Variants in MLIP observed in about 807,000 individuals in gnomAD.
MLIP encodes the protein muscular LMNA interacting protein.
A neutral mutation model predicts 84.8 loss-of-function variants in MLIP; 79 were observed. The observed-to-expected ratio is 0.93, with a 90% CI of 0.78 to 1.12. The LOEUF (loss-of-function observed/expected upper bound fraction) is 1.12. Ranked by LOEUF, MLIP falls within the 50% of genes most tolerant of loss-of-function variation. MLIP has a pLI of 0.00. For synonymous variants in MLIP, 504 were observed against 463.0 expected, an observed-to-expected ratio of 1.09 and a Z score of -1.14; for missense variants, 1,257 against 1,160.6, an observed-to-expected ratio of 1.08 and a Z score of -1.21.
chr6:54,033,818 A>C (rs1199608055), intron 1 of MLIP, among the ~76,000 whole-genome samples: 1 of 152,168 alleles, frequency 6.6e-6, no homozygotes, highest in Admixed American at 6.5e-5. Flanking sequence ...TGAGGTCATT[A>C]TTATTCTTCA....
At chr6:54,258,203 A>C (rs1051039837) in intron 13 of MLIP, among the ~76,000 whole-genome samples, 1 of 152,074 alleles carries the variant, frequency 6.6e-6, no homozygotes, top group East Asian at 1.9e-4. Context: ...TGCAGCCTCC[A>C]AGTTTAGGAA....
At chr6:54,177,414 C>T (rs111899490) in intron 9 of MLIP, among the ~76,000 whole-genome samples, 7 of 152,154 alleles carry the variant, frequency 4.6e-5, no homozygotes, top group Admixed American at 3.3e-4. Flanking sequence ...CAAAAGAAGA[C>T]ATTTAGGCAG....
chr6:54,252,054 A>T (rs1484563092), intron 12 of MLIP, among the ~76,000 whole-genome samples: 3 of 75,282 alleles, frequency 4.0e-5, no homozygotes, highest in Non-Finnish European at 6.0e-5. Context: ...ATATAATATA[A>T]ATATATATAT....
Position 54,137,194 on chromosome 6 carries a change from G to C in MLIP, c.1125G>C (p.Pro375=). ...GCATTGTCACGCATTCACTCTCTCC[G>C]AGCCCCAAACCATTTACCTCCTCTT... ...PVRIVTHSLS[P]SPKPFTSSFH... Residue 375 remains proline (P), a synonymous_variant, in exon 4 of 14, where the codon CCG becomes CCC. Transcript: ENST00000502396. 3 of 1,535,852 alleles carry C rather than the reference G, an allele frequency of 2.0e-6. No homozygotes were observed.
chr6:54,044,820 A>G (rs1371079170), intron 1 of MLIP, among the ~76,000 whole-genome samples: 1 of 152,218 alleles, frequency 6.6e-6, no homozygotes, highest in Non-Finnish European at 1.5e-5. Context: ...GAGGGAACTA[A>G]GAGCTCTTGC....
At chr6:54,028,910 G>A (rs1763972244) in intron 1 of MLIP, 1 of 152,064 alleles carries the variant, frequency 6.6e-6, no homozygotes, top group African/African-American at 2.4e-5. Context: ...ATCTTCATCT[G>A]GCTGTCTACC....
chr6:54,238,308 A>ACC (rs1295075185), intron 12 of MLIP, among the ~76,000 whole-genome samples: 2 of 151,932 alleles, frequency 1.3e-5, no homozygotes, highest in African/African-American at 4.8e-5. Context: ...TCCTCCATTC[A>ACC]CCCCTTCTCA....
intron 1 of MLIP, among the ~76,000 whole-genome samples, chr6:54,055,099 G>A (rs977075784): frequency 1.7e-4 from 26 of 152,078 alleles, no homozygotes; most frequent in Non-Finnish European, 3.4e-4. Context: ...GTGTTAGCAG[G>A]ATGGTCTTGA....
At chr6:54,062,517 A>T (rs190439447) in intron 1 of MLIP, among the ~76,000 whole-genome samples, 6 of 152,276 alleles carry the variant, frequency 3.9e-5, no homozygotes, top group Non-Finnish European at 8.8e-5. Flanking sequence ...TTAAAAACTC[A>T]ACATCTGAAC....
chr6:54,036,191 T>G (rs1020791508), intron 1 of MLIP, among the ~76,000 whole-genome samples: 138 of 151,870 alleles, frequency 9.1e-4, no homozygotes, highest in Admixed American at 9.1e-3. Flanking sequence ...AAATAACATG[T>G]GCAAAAGTCT....
chr6:54,049,465 C>T (rs1765256745), intron 1 of MLIP, among the ~76,000 whole-genome samples: 1 of 152,086 alleles, frequency 6.6e-6, no homozygotes, highest in Admixed American at 6.6e-5. Context: ...GACACAAATG[C>T]TAGATTGATG....
chr6:54,231,655 C>T (rs1334857421), intron 12 of MLIP, among the ~76,000 whole-genome samples: 5 of 152,110 alleles, frequency 3.3e-5, no homozygotes, highest in Non-Finnish European at 5.9e-5. Flanking sequence ...GATGCTCAGA[C>T]CCTGAAAATT....
intron 12 of MLIP, among the ~76,000 whole-genome samples, chr6:54,252,462 T>TATAATATAAATATAATATATTATAAC (rs1423341143): frequency 1.5e-4 from 17 of 112,230 alleles, no homozygotes; most frequent in Non-Finnish European, 2.2e-4. Flanking sequence ...TATTATAACA[T>TATAATATAAATATAATATATTATAAC]ATAATATAAA....
rs1220361909 is a variant in MLIP at position 54,064,474 on chromosome 6, T to C, written c.63+45383T>C. On this transcript the variant is annotated intron_variant, in intron 1 of 12. Transcript: ENST00000274897. ...CAAAAGCCCTTCAAACTTTGGTAACTACAAGAATAAACATATCTCTTCCAC... is the reference window on the plus strand; with the variant it reads ...CAAAAGCCCTTCAAACTTTGGTAACCACAAGAATAAACATATCTCTTCCAC... Among the ~76,000 whole-genome samples the C allele has an allele frequency of 7.0e-5, 7 of 100,118 alleles. 2 individuals are homozygous for C. The highest frequency in any genetic ancestry group is 9.3e-5 in the Admixed American group (1 of 10,726). 65.7% of individuals were successfully genotyped at this position (100,118 alleles called of 152,430 possible).
At chr6:54,251,557 A>C (rs1782494644) in intron 12 of MLIP, among the ~76,000 whole-genome samples, 1 of 76,306 alleles carries the variant, frequency 1.3e-5, no homozygotes, top group East Asian at 3.3e-4. Flanking sequence ...ATATATAGTA[A>C]TATAAATATA....
intron 1 of MLIP, among the ~76,000 whole-genome samples, chr6:54,023,930 T>A (rs1171864078): frequency 6.6e-6 from 1 of 152,286 alleles, no homozygotes; most frequent in East Asian, 1.9e-4. Flanking sequence ...ACAAACAAAC[T>A]GTTGTTAAAA....
intron 1 of MLIP, among the ~76,000 whole-genome samples, chr6:54,042,080 G>T (rs1400578603): frequency 6.6e-6 from 1 of 151,980 alleles, no homozygotes; most frequent in African/African-American, 2.4e-5. Context: ...AACAATATCA[G>T]GTTCTTCTAC....
Position 54,230,650 on chromosome 6 carries a change from A to G in MLIP, c.2719-64A>G, listed in dbSNP as rs186096101. The G allele has an allele frequency of 8.1e-5, 119 of 1,464,652 alleles. 1 individual carries two copies. The East Asian group carries it at 2.7e-3, about 33-fold the overall frequency. The allele number at this position is 1,464,652 out of a possible 1,614,324, so 90.7% of individuals were successfully genotyped here. ...TCTGACCTATGTCTATCGTAGACCTAATTCCAAGCGTGCTTGACTTTTTTA... is the reference window on the plus strand; with the variant it reads ...TCTGACCTATGTCTATCGTAGACCTGATTCCAAGCGTGCTTGACTTTTTTA... On this transcript the variant is annotated intron_variant, in intron 11 of 13. Coordinates refer to ENST00000502396, the MANE Select transcript of MLIP (RefSeq NM_001281747.2).
chr6:54,233,816 G>A (rs182797889), intron 12 of MLIP, among the ~76,000 whole-genome samples: 4 of 152,258 alleles, frequency 2.6e-5, no homozygotes, highest in East Asian at 1.9e-4. Flanking sequence ...CCCACCAACA[G>A]TGTAAAAGAT....
Sources: allele counts gnomAD v4.1 joint callset (sites outside exome capture counted in the v4.1 genomes callset), GRCh38; gene constraint gnomAD v4.1.1; transcripts MANE v1.5; gene names NCBI Gene and HGNC (gene_info 2026-07-23, HGNC 2026-07-21).